HDAC1: variants seen among roughly 807,000 people sequenced by gnomAD.
The protein encoded by HDAC1 is protein deacetylase HDAC1.
Under a neutral mutation model 65.5 loss-of-function variants are expected in HDAC1, and 18 were observed. The observed-to-expected ratio is 0.27, with a 90% CI of 0.19 to 0.41. The LOEUF is 0.41. Ranked by LOEUF, HDAC1 falls within the 10% of genes least tolerant of loss-of-function variation. The pLI is 1.00. For missense variants in HDAC1, 373 were observed against 625.2 expected, an observed-to-expected ratio of 0.60 and a Z score of 4.30; for synonymous variants, 211 against 227.9, an observed-to-expected ratio of 0.93 and a Z score of 0.67.
chr1:32,332,846 G>A, intron 13 of HDAC1, 97 bp downstream of exon 13: 2 of 1,239,310 alleles, frequency 1.6e-6, no homozygotes, highest in East Asian at 5.1e-5. Context: ...AGCTGGTCCA[G>A]CTTACAAAGG....
chr1:32,320,921 A>AAAC, intron 3 of HDAC1, among the ~76,000 whole-genome samples: 1 of 148,402 alleles, frequency 6.7e-6, no homozygotes, highest in Non-Finnish European at 1.5e-5. Flanking sequence ...AAAAAAAAAA[A>AAAC]AACAGAAAAA....
At chr1:32,315,031 T>C (rs1378262334) in intron 2 of HDAC1, among the ~76,000 whole-genome samples, 1 of 152,184 alleles carries the variant, frequency 6.6e-6, no homozygotes, top group East Asian at 1.9e-4. Context: ...TCCAAGAACC[T>C]GTGGATGACA....
chr1:32,320,207 G>A (rs1289030687), intron 3 of HDAC1, among the ~76,000 whole-genome samples: 6 of 150,074 alleles, frequency 4.0e-5, no homozygotes, highest in East Asian at 2.0e-4. Context: ...GCGACAGAGC[G>A]AGACTCCTTC....
chr1:32,298,964 A>C (rs1187444372), intron 1 of HDAC1, among the ~76,000 whole-genome samples: 4 of 152,156 alleles, frequency 2.6e-5, no homozygotes, highest in Non-Finnish European at 5.9e-5. Flanking sequence ...GCACCACTGC[A>C]CTCCAGCCTG....
At chr1:32,301,510 C>T (rs1385952026) in intron 1 of HDAC1, among the ~76,000 whole-genome samples, 1 of 151,952 alleles carries the variant, frequency 6.6e-6, no homozygotes, top group Non-Finnish European at 1.5e-5. Context: ...TGGCTCACAC[C>T]TGTAATCCCG....
Position 32,333,095 on chromosome 1 carries a change from C to T in HDAC1, c.*51C>T, listed in dbSNP as rs1641321314. ...TGCTGAGTCCCTCACGTTTCTTCCC[C>T]AACCCCTCAGATTTTATATTTTCTA... is the stretch of plus-strand genomic sequence containing the variant. On this transcript the variant is annotated 3_prime_UTR_variant, in exon 14 of 14. Transcript: ENST00000373548. The T allele has an allele frequency of 2.1e-6, 3 of 1,437,484 alleles. No individual in the cohort carries two copies. In the Admixed American group the frequency reaches 5.2e-5, roughly 25 times the overall value. The allele number at this position is 1,437,484 out of a possible 1,614,324, so 89.0% of individuals were successfully genotyped here. A position where few individuals can be genotyped will look rare whatever the true frequency, so the allele number is the denominator to read the frequency against.
chr1:32,322,345 T>C (rs111468389), intron 3 of HDAC1, among the ~76,000 whole-genome samples: 2,341 of 152,088 alleles, frequency 0.015, 67 homozygotes, highest in African/African-American at 0.054. Context: ...GGTGCAATCT[T>C]GGCTCACTGC....
intron 1 of HDAC1, among the ~76,000 whole-genome samples, chr1:32,300,537 G>A (rs1416542210): frequency 1.3e-5 from 2 of 151,762 alleles, no homozygotes; most frequent in African/African-American, 4.8e-5. Context: ...CAGCCTAGGC[G>A]ACAGAGTGAG....
intron 1 of HDAC1, among the ~76,000 whole-genome samples, chr1:32,296,547 G>A (rs975064703): frequency 3.3e-5 from 5 of 152,044 alleles, no homozygotes; most frequent in South Asian, 2.1e-4. Flanking sequence ...GAAGACAAAC[G>A]GTTGTCTTTT....
chr1:32,293,982 T>C (rs1173106441), intron 1 of HDAC1, among the ~76,000 whole-genome samples: 1 of 150,462 alleles, frequency 6.6e-6, no homozygotes, highest in Non-Finnish European at 1.5e-5. Context: ...GTGCGAGAGT[T>C]GTTTGAACCT....
chr1:32,331,470 T>C lies in HDAC1; in HGVS notation c.980-4T>C, dbSNP rs763864139. The C allele has an allele frequency of 3.8e-6, 6 of 1,576,848 alleles. No homozygotes were observed. In the East Asian group the frequency reaches 1.1e-4, roughly 29 times the overall value. ...TTGACGGTCTTCTCTCCTGCCCCAA[T>C]CAGAGCTTCCATACAATGACTACTT... On this transcript the variant is annotated splice_region_variant and splice_polypyrimidine_tract_variant and intron_variant, in intron 9 of 13. Coordinates refer to ENST00000373548, the MANE Select transcript of HDAC1 (RefSeq NM_004964.3). The surrounding 1 kb of genome is among the most constrained non-coding windows in gnomAD (Gnocchi z 4.2).
At position 32,330,722 on chromosome 1, in the gene HDAC1, T is replaced by A. The variant is rs1015900348; in HGVS notation, c.838+36T>A. ...GTAGCACAAGGATGGGTGGGCGGGG[T>A]CCTGCTTGGTGCTCCTGTAACTCAG... On this transcript the variant is annotated intron_variant, in intron 8 of 13. Coordinates refer to ENST00000373548, the MANE Select transcript of HDAC1 (RefSeq NM_004964.3). The surrounding 1 kb of genome is among the most constrained non-coding windows in gnomAD (Gnocchi z 4.2). The A allele has an allele frequency of 1.2e-6, 2 of 1,613,302 alleles. No individual in the cohort carries two copies. The highest frequency in any genetic ancestry group is 3.3e-5 in the Admixed American group (2 of 59,944).
chr1:32,292,195 G>A lies in HDAC1; in HGVS notation c.26G>A (p.Arg9Lys). 1.3e-6 allele frequency: 2 copies of A among 1,548,936 alleles called. No individual in the cohort carries two copies. The highest frequency in any genetic ancestry group is 1.7e-6 in the Non-Finnish European group (2 of 1,146,472). The change falls in exon 1 of 14, where the codon AGG becomes AAG. Residue 9 changes from arginine to lysine, a missense_variant. Physicochemically the swap from Arg to Lys is conservative, Grantham distance 26. Coordinates refer to ENST00000373548, the MANE Select transcript of HDAC1 (RefSeq NM_004964.3). MAQTQGTR[R>K]KVCYYYDGDV... ...ATGGCGCAGACGCAGGGCACCCGGAGGAAAGTCTGTTACTACTACGACGGT... is the reference window on the plus strand; with the variant it reads ...ATGGCGCAGACGCAGGGCACCCGGAAGAAAGTCTGTTACTACTACGACGGT...
chr1:32,302,993 G>T (rs940675174), intron 2 of HDAC1, among the ~76,000 whole-genome samples: 6 of 152,220 alleles, frequency 3.9e-5, no homozygotes, highest in South Asian at 2.1e-4. Context: ...GCAACATAGG[G>T]AGACCCTGTC....
intron 3 of HDAC1, among the ~76,000 whole-genome samples, chr1:32,323,327 T>C (rs1036399867): frequency 2.6e-5 from 4 of 151,882 alleles, no homozygotes; most frequent in African/African-American, 7.3e-5. Flanking sequence ...AAACCAAAGC[T>C]TGAGGCTTGC....
chr1:32,325,812 G>C (rs1186018541), intron 4 of HDAC1, among the ~76,000 whole-genome samples: 1 of 152,128 alleles, frequency 6.6e-6, no homozygotes, highest in African/African-American at 2.4e-5. Flanking sequence ...GATCACCTGA[G>C]GTCAGGAGTT....
At chr1:32,320,916 AAAAAAAACAGAAAAAG>A (rs1641131894) in intron 3 of HDAC1, among the ~76,000 whole-genome samples, 2 of 147,260 alleles carry the variant, frequency 1.4e-5, no homozygotes, top group Admixed American at 1.4e-4. Flanking sequence ...AAAAAAAAAA[AAAAAAAACAGAAAAAG>A]AAAAAAACAT....
intron 6 of HDAC1, among the ~76,000 whole-genome samples, chr1:32,328,316 CT>C (rs553363907): frequency 1.7e-3 from 239 of 142,682 alleles, no homozygotes; most frequent in Admixed American, 1.9e-3. Context: ...TGAGCATTCA[CT>C]TTTTTTTTTT....
rs1641302108 is a variant in HDAC1, at chr1:32,332,197, G to A, written c.1327G>A (p.Val443Ile). The change falls in exon 12 of 14, where the codon GTC becomes ATC. Residue 443 changes from valine (V) to isoleucine (I), a missense_variant. Transcript: ENST00000373548. Reference sequence around the variant, plus strand: ...TTCCAACTTCAAAAAAGCCAAGAGAGTCAAAACAGAGGATGAAAAAGAGAA... The same window carrying A: ...TTCCAACTTCAAAAAAGCCAAGAGAATCAAAACAGAGGATGAAAAAGAGAA... Reference protein sequence around the residue: ...NSSNFKKAKRVKTEDEKEKDP... With the variant: ...NSSNFKKAKRIKTEDEKEKDP... The A allele has an allele frequency of 2.5e-6, 4 of 1,613,712 alleles. No homozygotes were observed. The highest frequency in any genetic ancestry group is 3.4e-6 in the Non-Finnish European group (4 of 1,179,722).
Sources: allele counts gnomAD v4.1 joint callset (sites outside exome capture counted in the v4.1 genomes callset), GRCh38; gene constraint gnomAD v4.1.1; non-coding constraint Gnocchi (gnomAD v3.1); transcripts MANE v1.5; gene names NCBI Gene and HGNC (gene_info 2026-07-23, HGNC 2026-07-21).